Variants in CCDC148 observed in about 807,000 individuals in gnomAD.
CCDC148 encodes coiled-coil domain containing 148, also known as coiled-coil domain-containing protein 148.
Under a neutral mutation model 85.7 loss-of-function variants are expected in CCDC148, and 89 were observed. The ratio of observed to expected loss-of-function variants is 1.04; its 90% confidence interval spans 0.87 to 1.24. The LOEUF (loss-of-function observed/expected upper bound fraction) is 1.24, where lower values mean the gene tolerates loss of function less well. Among genes scored for constraint, CCDC148 ranks in the 50% most tolerant of loss-of-function variants. The pLI, the probability that CCDC148 is intolerant of heterozygous loss-of-function variation, is 0.00. For synonymous variants in CCDC148, 230 were observed against 213.9 expected (o/e 1.08, Z -0.66); for missense variants, 692 against 671.7 (o/e 1.03, Z -0.33).
rs1378607087 is a variant in CCDC148, at chr2:158,373,927, G to A, written c.26-15357C>T. Among the ~76,000 whole-genome samples the A allele has an allele frequency of 2.0e-5, 3 of 152,026 alleles. No homozygotes were observed. The East Asian group carries it at 5.8e-4, about 29-fold the overall frequency. ...CTGATCATCTCTGTTTCTCCAGACT[G>A]CCTAAAATAATATCTGGTCCCTGTT... On this transcript the variant is annotated intron_variant, in intron 1 of 13. Coordinates refer to ENST00000283233, the MANE Select transcript of CCDC148 (RefSeq NM_138803.4).
chr2:158,231,744 ACT>A (rs1687866749), intron 10 of CCDC148, among the ~76,000 whole-genome samples: 1 of 151,990 alleles, frequency 6.6e-6, no homozygotes, highest in African/African-American at 2.4e-5. Context: ...ATCATTGATC[ACT>A]CTTAGGTGAC....
intron 10 of CCDC148, among the ~76,000 whole-genome samples, chr2:158,234,804 A>G (rs1316320472): frequency 6.6e-6 from 1 of 152,192 alleles, no homozygotes; most frequent in East Asian, 1.9e-4. Context: ...TTCTAGTTAA[A>G]TTAAAGTTCT....
At chr2:158,240,785 A>G (rs1475078306) in intron 10 of CCDC148, among the ~76,000 whole-genome samples, 1 of 152,170 alleles carries the variant, frequency 6.6e-6, no homozygotes, top group African/African-American at 2.4e-5. Context: ...TGCAATTCCT[A>G]CAGTACACAC....
intron 8 of CCDC148, among the ~76,000 whole-genome samples, chr2:158,312,151 G>T (rs943315239): frequency 6.6e-6 from 1 of 152,168 alleles, no homozygotes; most frequent in African/African-American, 2.4e-5. Flanking sequence ...AATACTTTAG[G>T]TATAATTAGG....
chr2:158,330,133 T>C (rs1416882567), intron 7 of CCDC148, among the ~76,000 whole-genome samples: 1 of 152,202 alleles, frequency 6.6e-6, no homozygotes, highest in Non-Finnish European at 1.5e-5. Context: ...AGTATGATAT[T>C]GGCTGTGGGT....
At chr2:158,376,008 CA>C (rs1300608143) in intron 1 of CCDC148, among the ~76,000 whole-genome samples, 4 of 152,022 alleles carry the variant, frequency 2.6e-5, no homozygotes, top group Admixed American at 6.6e-5. Context: ...AACTTTCAGC[CA>C]AACAAAATCC....
At chr2:158,338,561 G>GA in intron 7 of CCDC148, 165 bp downstream of exon 7, 1 of 539,464 alleles carries the variant, frequency 1.9e-6, no homozygotes, top group Non-Finnish European at 3.1e-6. Flanking sequence ...AAATTTTTTT[G>GA]AAAAAATAAA....
At chr2:158,318,142 A>C (rs1294820062) in intron 7 of CCDC148, among the ~76,000 whole-genome samples, 3 of 152,216 alleles carry the variant, frequency 2.0e-5, no homozygotes, top group African/African-American at 7.2e-5. Flanking sequence ...CAATGATCCC[A>C]GCCCAGGCCC....
chr2:158,318,214 G>C (rs1692367129), intron 7 of CCDC148, among the ~76,000 whole-genome samples: 1 of 152,124 alleles, frequency 6.6e-6, no homozygotes, highest in Non-Finnish European at 1.5e-5. Flanking sequence ...CCTGCTCCCA[G>C]ACCCATTTCT....
chr2:158,330,650 T>C (rs1693052772), intron 7 of CCDC148, among the ~76,000 whole-genome samples: 1 of 152,188 alleles, frequency 6.6e-6, no homozygotes, highest in African/African-American at 2.4e-5. Flanking sequence ...GACTTTTTTT[T>C]GGTTGGTAGG....
At chr2:158,353,864 T>C (rs1461138721) in intron 2 of CCDC148, among the ~76,000 whole-genome samples, 1 of 151,990 alleles carries the variant, frequency 6.6e-6, no homozygotes, top group Non-Finnish European at 1.5e-5. Context: ...GAACAGAAAT[T>C]ATAACAAACT....
intron 7 of CCDC148, among the ~76,000 whole-genome samples, chr2:158,327,060 C>G (rs764478310): frequency 6.6e-6 from 1 of 151,998 alleles, no homozygotes; most frequent in Non-Finnish European, 1.5e-5. Context: ...AAACTAGTTC[C>G]TATTGATATT....
Position 158,313,458 on chromosome 2 carries a change from G to T in CCDC148, c.903+298C>A, listed in dbSNP as rs528655236. ...CTGAAGGTGAGCATCTGGCTGTATG[G>T]ACATCCAGGAGTCAAATACTAGCAG... On this transcript the variant is annotated intron_variant, in intron 8 of 13. Coordinates refer to ENST00000283233, the MANE Select transcript of CCDC148 (RefSeq NM_138803.4). Among the ~76,000 whole-genome samples, 8 of 152,304 alleles carry T rather than the reference G, an allele frequency of 5.3e-5. No homozygotes were observed. The East Asian group carries it at 1.4e-3, about 26-fold the overall frequency.
chr2:158,226,304 C>A (rs1433488795), intron 10 of CCDC148, among the ~76,000 whole-genome samples: 1 of 152,182 alleles, frequency 6.6e-6, no homozygotes, highest in African/African-American at 2.4e-5. Context: ...GAAATTGAGG[C>A]AATAATTAAT....
intron 2 of CCDC148, among the ~76,000 whole-genome samples, chr2:158,357,762 C>G (rs1321500504): frequency 6.6e-6 from 1 of 152,002 alleles, no homozygotes; most frequent in Non-Finnish European, 1.5e-5. Context: ...AAGATATTAA[C>G]AATAAAAGGC....
At chr2:158,178,219 C>G (rs1684690641) in intron 12 of CCDC148, 1 of 152,034 alleles carries the variant, frequency 6.6e-6, no homozygotes, top group South Asian at 2.1e-4. Flanking sequence ...CCAAGTAGTC[C>G]TTTCCTATTA....
chr2:158,241,769 C>T (rs932095352), intron 10 of CCDC148, among the ~76,000 whole-genome samples: 2 of 151,970 alleles, frequency 1.3e-5, no homozygotes. Flanking sequence ...GACATTCGTA[C>T]CAATACTCAA....
At chr2:158,283,918 C>G (rs1260674990) in intron 9 of CCDC148, among the ~76,000 whole-genome samples, 2 of 151,654 alleles carry the variant, frequency 1.3e-5, no homozygotes, top group Admixed American at 6.6e-5. Flanking sequence ...AAATGTGGCA[C>G]ATATACACCA....
At chr2:158,251,682 T>C (rs970228387) in intron 9 of CCDC148, among the ~76,000 whole-genome samples, 1 of 151,818 alleles carries the variant, frequency 6.6e-6, no homozygotes, top group Non-Finnish European at 1.5e-5. Flanking sequence ...TTTTATACAA[T>C]GACTGCCATT....
Sources: gnomAD v4.1 joint callset for allele counts (sites outside exome capture counted in the v4.1 genomes callset) on GRCh38, gnomAD v4.1.1 for gene constraint, MANE v1.5 for transcripts, NCBI Gene and HGNC (gene_info 2026-07-23, HGNC 2026-07-21) for gene names.